The following CBLN4 variants were observed in gnomAD, a reference collection of about 807,000 sequenced individuals.
The protein encoded by CBLN4 is cerebellin-4.
Under a neutral mutation model 14.9 loss-of-function variants are expected in CBLN4, and 7 were observed. The observed-to-expected ratio is 0.47, with a 90% CI of 0.27 to 0.88. CBLN4 has a LOEUF of 0.88. CBLN4 is among the 40% of genes least tolerant of loss of function. The probability of loss-of-function intolerance (pLI) is 0.14; values close to 1 mark genes in which losing one functional copy is unlikely to be tolerated. For synonymous variants in CBLN4, 131 were observed against 116.5 expected, an observed-to-expected ratio of 1.12 and a Z score of -0.80; for missense variants, 188 against 256.8, an observed-to-expected ratio of 0.73 and a Z score of 1.83.
At position 56,004,005 on chromosome 20, in the gene CBLN4, G is replaced by T. The variant is rs768562455; in HGVS notation, c.167C>A (p.Ser56Tyr). 24 of 1,613,986 alleles carry T rather than the reference G, an allele frequency of 1.5e-5. No homozygotes were observed. The highest frequency in any genetic ancestry group is 1.8e-5 in the Non-Finnish European group (21 of 1,180,022). The change falls in exon 1 of 3, where the codon TCT becomes TAT. Residue 56 changes from serine (S) to tyrosine (Y), a missense_variant. Physicochemically the swap from Ser to Tyr is moderately radical, Grantham distance 144. Transcript: ENST00000064571. This position sits in a 1 kb window ranked among gnomAD's most constrained non-coding sequence, Gnocchi z 6.1. Reference sequence around the variant, plus strand: ...GACCGATATCCCCAGCGGGGAGGAAGAGGAGCCCTTGGAGTCCGTGGCCGG... The same window carrying T: ...GACCGATATCCCCAGCGGGGAGGAATAGGAGCCCTTGGAGTCCGTGGCCGG... ...SNPATDSKGS[S>Y]SSPLGISVRA...
At chr20:56,001,643 G>A (rs574348368) in intron 1 of CBLN4, among the ~76,000 whole-genome samples, 157 of 152,196 alleles carry the variant, frequency 1.0e-3, no homozygotes, top group Middle Eastern at 3.4e-3. Context: ...GTTCCTCCCC[G>A]GGCTGTCCAT....
rs530453245 is a variant in CBLN4, at chr20:55,998,180, T to A, written c.*377A>T. On this transcript the variant is annotated 3_prime_UTR_variant, in exon 3 of 3. Coordinates refer to ENST00000064571, the MANE Select transcript of CBLN4 (RefSeq NM_080617.6). The stretch of plus-strand genomic sequence containing the variant: ...GTATCACACTAACCGTTGATTGAAG[T>A]CAGAACTTTAGAGTTTTCTAATCCT... 2 of 218,576 alleles carry A rather than the reference T, an allele frequency of 9.2e-6. No individual in the cohort carries two copies. The highest frequency in any genetic ancestry group is 1.8e-4 in the South Asian group (2 of 10,988). 13.5% of individuals were successfully genotyped at this position (218,576 alleles called of 1,614,324 possible).
At chr20:55,999,941 T>C (rs990873311) in intron 2 of CBLN4, among the ~76,000 whole-genome samples, 1 of 152,240 alleles carries the variant, frequency 6.6e-6, no homozygotes, top group African/African-American at 2.4e-5. Flanking sequence ...TACTAGGACA[T>C]GTAAAAGTAT....
At chr20:56,001,582 C>A (rs1435605572) in intron 1 of CBLN4, among the ~76,000 whole-genome samples, 1 of 152,130 alleles carries the variant, frequency 6.6e-6, no homozygotes, top group Non-Finnish European at 1.5e-5. Context: ...TGTGGGCTGC[C>A]AAAGAGGAGA....
intron 1 of CBLN4, 87 bp downstream of exon 1, chr20:56,003,794 G>T: frequency 7.2e-7 from 1 of 1,383,298 alleles, no homozygotes. Flanking sequence ...TTCCCAATCG[G>T]ACCAGCTTAG....
intron 2 of CBLN4, among the ~76,000 whole-genome samples, chr20:55,999,230 T>C (rs930551652): frequency 6.6e-6 from 1 of 152,208 alleles, no homozygotes; most frequent in East Asian, 1.9e-4. Context: ...TGCATACTAC[T>C]GAAAATCAAT....
In CBLN4 at chr20:56,005,375, C is replaced by G. The variant is rs984130980; in HGVS notation, c.-1204G>C. 6.6e-6 allele frequency: 1 copy of G among 152,212 alleles called. No individual in the cohort carries two copies. Among genetic ancestry groups the G allele is most frequent in the African/African-American group, 2.4e-5 (1 of 41,464 alleles). The allele number at this position is 152,212 out of a possible 1,614,324, so 9.4% of individuals were successfully genotyped here. On this transcript the variant is annotated 5_prime_UTR_variant, in exon 1 of 3. Transcript: ENST00000064571. ...GGAGCGCGGCGCTGCCAGGCCGGGTCGCGAAAAAGGATAAGCCGCCGCGGA... is the reference window on the plus strand; with the variant it reads ...GGAGCGCGGCGCTGCCAGGCCGGGTGGCGAAAAAGGATAAGCCGCCGCGGA...
chr20:55,998,307 C>A lies in CBLN4; in HGVS notation c.*250G>T. 2.2e-6 allele frequency: 1 copy of A among 447,510 alleles called. No individual in the cohort carries two copies. Among genetic ancestry groups the A allele is most frequent in the Non-Finnish European group, 3.9e-6 (1 of 253,704 alleles). The allele number at this position is 447,510 out of a possible 1,614,324, so 27.7% of individuals were successfully genotyped here. A position where few individuals can be genotyped will look rare whatever the true frequency, so the allele number is the denominator to read the frequency against. On this transcript the variant is annotated 3_prime_UTR_variant, in exon 3 of 3. Coordinates refer to ENST00000064571, the MANE Select transcript of CBLN4 (RefSeq NM_080617.6). ...TGAAATTCAGAATAAGTCTTGCAGACAGCTTTTGACTGTTACATTTAAGCA... is the reference window on the plus strand; with the variant it reads ...TGAAATTCAGAATAAGTCTTGCAGAAAGCTTTTGACTGTTACATTTAAGCA...
chr20:56,000,614 G>GATGGCTGCTT (rs1171771543), intron 2 of CBLN4, 117 bp downstream of exon 2: 3 of 480,952 alleles, frequency 6.2e-6, no homozygotes, highest in Non-Finnish European at 1.1e-5. Context: ...AAATGATAAA[G>GATGGCTGCTT]ATGGCTGCTT....
At chr20:56,003,806 C>T in intron 1 of CBLN4, 75 bp downstream of exon 1, 1 of 1,474,456 alleles carries the variant, frequency 6.8e-7, no homozygotes, top group Non-Finnish European at 9.2e-7. Flanking sequence ...CCAGCTTAGC[C>T]TGGGCAGGCA....
chr20:56,002,084 A>G (rs1341065891), intron 1 of CBLN4, among the ~76,000 whole-genome samples: 1 of 152,176 alleles, frequency 6.6e-6, no homozygotes, highest in Non-Finnish European at 1.5e-5. Flanking sequence ...AAAATGTACT[A>G]TTACCTCTGG....
intron 2 of CBLN4, among the ~76,000 whole-genome samples, chr20:55,999,332 T>C (rs1156333914): frequency 7.2e-5 from 11 of 152,184 alleles, no homozygotes; most frequent in African/African-American, 2.7e-4. Flanking sequence ...AAAACAATCA[T>C]CAGGCCAGGC....
chr20:55,998,544 G>T lies in CBLN4; in HGVS notation c.*13C>A. On this transcript the variant is annotated 3_prime_UTR_variant, in exon 3 of 3. Coordinates refer to ENST00000064571, the MANE Select transcript of CBLN4 (RefSeq NM_080617.6). The stretch of plus-strand genomic sequence containing the variant: ...ATCCCTCACCTGGATGAACATCATG[G>T]AGAAATTGAATCCTATAGGGGGAAC... 2 of 1,613,944 alleles carry T rather than the reference G, an allele frequency of 1.2e-6. No homozygotes were observed. The highest frequency in any genetic ancestry group is 1.7e-6 in the Non-Finnish European group (2 of 1,179,870).
At chr20:56,003,022 C>T (rs531638152) in intron 1 of CBLN4, among the ~76,000 whole-genome samples, 3 of 152,222 alleles carry the variant, frequency 2.0e-5, no homozygotes, top group African/African-American at 7.2e-5. Context: ...CCTGGGGTTT[C>T]TCATCAAGCC....
intron 1 of CBLN4, among the ~76,000 whole-genome samples, chr20:56,003,338 C>A (rs1308313738): frequency 6.6e-6 from 1 of 152,256 alleles, no homozygotes; most frequent in East Asian, 1.9e-4. Context: ...CAGGCGAGAT[C>A]TGACCCCCGG....
rs977830364 is a variant in CBLN4, at chr20:55,997,701, A to AT, written c.*855_*856insA. The AT allele has an allele frequency of 2.7e-5, 4 of 149,920 alleles. No individual in the cohort carries two copies. Among genetic ancestry groups the AT allele is most frequent in the African/African-American group, 9.7e-5 (4 of 41,066 alleles). 9.3% of individuals were successfully genotyped at this position (149,920 alleles called of 1,614,324 possible). On this transcript the variant is annotated 3_prime_UTR_variant, in exon 3 of 3. Transcript: ENST00000064571. ...TTAATAAAGTGGTCATGTCTACGGAAAAAAAAAAAACCTTAGGTTTTTAAT... is the reference window on the plus strand; with the variant it reads ...TTAATAAAGTGGTCATGTCTACGGAATAAAAAAAAAACCTTAGGTTTTTAAT...
At chr20:56,002,056 C>T (rs898120098) in intron 1 of CBLN4, among the ~76,000 whole-genome samples, 1 of 152,166 alleles carries the variant, frequency 6.6e-6, no homozygotes, top group African/African-American at 2.4e-5. Context: ...ACTTGCAAGC[C>T]TCTTGCATAA....
chr20:56,003,348 G>T (rs1600862334), intron 1 of CBLN4, among the ~76,000 whole-genome samples: 1 of 152,234 alleles, frequency 6.6e-6, no homozygotes, highest in African/African-American at 2.4e-5. Flanking sequence ...CTGACCCCCG[G>T]CTCTGCCCCC....
Position 56,004,109 on chromosome 20 carries a change from C to A in CBLN4, c.63G>T (p.Pro21=). ...VPAVLLVLTL[P]GLPVWAQNDT... Reference sequence around the variant, plus strand: ...CGTTCTGTGCCCAGACGGGCAGCCCCGGCAGCGTGAGGACCAGCAGCACGG... The same window carrying A: ...CGTTCTGTGCCCAGACGGGCAGCCCAGGCAGCGTGAGGACCAGCAGCACGG... Residue 21 remains proline, a synonymous_variant, in exon 1 of 3, where the codon CCG becomes CCT. Coordinates refer to ENST00000064571, the MANE Select transcript of CBLN4 (RefSeq NM_080617.6). This position sits in a 1 kb window ranked among gnomAD's most constrained non-coding sequence, Gnocchi z 6.1. 6.2e-7 allele frequency: 1 copy of A among 1,605,118 alleles called. No individual in the cohort carries two copies. Among genetic ancestry groups the A allele is most frequent in the Non-Finnish European group, 8.5e-7 (1 of 1,177,098 alleles).
Sources: allele counts gnomAD v4.1 joint callset (sites outside exome capture counted in the v4.1 genomes callset), GRCh38; gene constraint gnomAD v4.1.1; non-coding constraint Gnocchi (gnomAD v3.1); transcripts MANE v1.5; gene names NCBI Gene and HGNC (gene_info 2026-07-23, HGNC 2026-07-21).